Variants in KCNMA1 observed in about 807,000 individuals in gnomAD.
KCNMA1 encodes the protein potassium calcium-activated channel subfamily M alpha 1, also known as Calcium-activated potassium channel subunit alpha-1.
In KCNMA1, 29 loss-of-function variants were observed where a neutral mutation model predicts 140.0. The ratio of observed to expected loss-of-function variants is 0.21; its 90% CI spans 0.15 to 0.28. KCNMA1 has a LOEUF of 0.28. Ranked by LOEUF, KCNMA1 falls within the 10% of genes least tolerant of loss-of-function variation. KCNMA1 has a pLI of 1.00. For synonymous variants in KCNMA1, 612 were observed against 611.9 expected (o/e 1.00, Z 0.00); for missense variants, 880 against 1,602.2 (o/e 0.55, Z 7.70).
chr10:77,101,786 C>T (rs1481545179), intron 9 of KCNMA1, among the ~76,000 whole-genome samples: 2 of 152,040 alleles, frequency 1.3e-5, no homozygotes, highest in African/African-American at 4.8e-5. Flanking sequence ...CCCTTGCAGG[C>T]GAGGAAAAGT....
At chr10:76,976,835 A>T (rs2077716939) in intron 19 of KCNMA1, among the ~76,000 whole-genome samples, 1 of 152,190 alleles carries the variant, frequency 6.6e-6, no homozygotes, top group South Asian at 2.1e-4. Flanking sequence ...TCAAGCAAAG[A>T]TCACTAGGTA....
intron 14 of KCNMA1, among the ~76,000 whole-genome samples, chr10:77,055,700 C>T (rs1165746132): frequency 6.6e-6 from 1 of 152,116 alleles, no homozygotes; most frequent in East Asian, 1.9e-4. Context: ...TCTCTCTGCC[C>T]TTCTACCAGT....
At chr10:77,348,774 A>G (rs953550881) in intron 2 of KCNMA1, among the ~76,000 whole-genome samples, 4 of 152,334 alleles carry the variant, frequency 2.6e-5, no homozygotes, top group Non-Finnish European at 5.9e-5. Flanking sequence ...GAATTTCCCA[A>G]TGACTCCTAG....
chr10:77,134,589 G>A (rs913140751), intron 5 of KCNMA1, among the ~76,000 whole-genome samples: 1 of 152,002 alleles, frequency 6.6e-6, no homozygotes, highest in Admixed American at 6.6e-5. Flanking sequence ...CCATGACAAC[G>A]GTCAGGGCAA....
At chr10:77,224,192 A>T (rs1384392724) in intron 3 of KCNMA1, among the ~76,000 whole-genome samples, 2 of 152,218 alleles carry the variant, frequency 1.3e-5, no homozygotes, top group African/African-American at 4.8e-5. Flanking sequence ...CTCCCAAAAT[A>T]GAGAGTCATT....
intron 20 of KCNMA1, among the ~76,000 whole-genome samples, chr10:76,956,468 C>T (rs969533431): frequency 6.6e-6 from 1 of 152,118 alleles, no homozygotes; most frequent in African/African-American, 2.4e-5. Context: ...AAGAGACTGA[C>T]CTGAGGAACA....
At chr10:77,144,350 C>T (rs537672963) in intron 5 of KCNMA1, among the ~76,000 whole-genome samples, 1 of 152,028 alleles carries the variant, frequency 6.6e-6, no homozygotes, top group African/African-American at 2.4e-5. Flanking sequence ...TCCATTCATA[C>T]AAAAATTGAG....
intron 2 of KCNMA1, among the ~76,000 whole-genome samples, chr10:77,301,701 C>A (rs1260210187): frequency 6.6e-6 from 1 of 151,748 alleles, no homozygotes; most frequent in Admixed American, 6.6e-5. Context: ...TCAATTGACG[C>A]CCCGGAGGTG....
chr10:77,089,490 T>G (rs1203875786), intron 10 of KCNMA1, among the ~76,000 whole-genome samples: 1 of 152,108 alleles, frequency 6.6e-6, no homozygotes, highest in Non-Finnish European at 1.5e-5. Flanking sequence ...CTACCTTTTA[T>G]CTAAAAAGAG....
intron 1 of KCNMA1, among the ~76,000 whole-genome samples, chr10:77,560,784 G>A (rs1227777225): frequency 6.6e-6 from 1 of 152,208 alleles, no homozygotes; most frequent in Admixed American, 6.5e-5. Flanking sequence ...GCCTGGTAGT[G>A]GGTTTGGGCC....
intron 26 of KCNMA1, among the ~76,000 whole-genome samples, chr10:76,890,020 C>T (rs760318043): frequency 6.6e-6 from 1 of 152,134 alleles, no homozygotes. Context: ...TGAAAACCAC[C>T]GCAAGGAGGA....
chr10:77,274,303 G>A (rs1488816166), intron 2 of KCNMA1, among the ~76,000 whole-genome samples: 2 of 152,036 alleles, frequency 1.3e-5, no homozygotes, highest in African/African-American at 2.4e-5. Flanking sequence ...CAGACCTAGG[G>A]TCCTAAACAA....
intron 9 of KCNMA1, among the ~76,000 whole-genome samples, chr10:77,100,104 T>C (rs2097059649): frequency 6.6e-6 from 1 of 152,244 alleles, no homozygotes; most frequent in Non-Finnish European, 1.5e-5. Flanking sequence ...TCTGTTTCAC[T>C]GCCACTGTTT....
chr10:77,080,716 G>A lies in KCNMA1; in HGVS notation c.1524-1166C>T, dbSNP rs555975881. On this transcript the variant is annotated intron_variant, in intron 12 of 27. Coordinates refer to ENST00000286628, the MANE Select transcript of KCNMA1 (RefSeq NM_001161352.2). Reference sequence around the variant, plus strand: ...TATTGCCTACGTAGACATCGAAAGCGAGCCCAAATCATGGGGCCTCCAGAG... The same window carrying A: ...TATTGCCTACGTAGACATCGAAAGCAAGCCCAAATCATGGGGCCTCCAGAG... 3.9e-5 allele frequency among the ~76,000 whole-genome samples: 6 copies of A among 152,210 alleles called. No homozygotes were observed. The South Asian group carries it at 1.0e-3, about 26-fold the overall frequency.
At chr10:77,391,762 A>G (rs1566522636) in intron 2 of KCNMA1, among the ~76,000 whole-genome samples, 1 of 151,952 alleles carries the variant, frequency 6.6e-6, no homozygotes, top group Non-Finnish European at 1.5e-5. Flanking sequence ...TCCTAAACAT[A>G]GCCTCGTAAA....
At chr10:76,881,976 G>T (rs967923807), downstream of KCNMA1, among the ~76,000 whole-genome samples, 1 of 152,136 alleles carries the variant, frequency 6.6e-6, no homozygotes, top group Admixed American at 6.5e-5. Flanking sequence ...AGAGCCATCT[G>T]TTTCTTGCAT....
intron 1 of KCNMA1, among the ~76,000 whole-genome samples, chr10:77,529,102 AAG>A (rs1420117468): frequency 1.3e-5 from 2 of 152,204 alleles, no homozygotes; most frequent in Non-Finnish European, 2.9e-5. Context: ...AATAAAAAAA[AAG>A]AATTCAGAAA....
chr10:77,451,056 G>A (rs1026520032), intron 1 of KCNMA1, among the ~76,000 whole-genome samples: 3 of 152,120 alleles, frequency 2.0e-5, no homozygotes, highest in African/African-American at 4.8e-5. Flanking sequence ...CAGCCATGTG[G>A]AACTGTGAGT....
At chr10:77,536,517 C>A (rs1299390846) in intron 1 of KCNMA1, among the ~76,000 whole-genome samples, 2 of 152,152 alleles carry the variant, frequency 1.3e-5, no homozygotes, top group Non-Finnish European at 2.9e-5. Flanking sequence ...GGGCTTCATA[C>A]CTACGAACTC....
Sources: gnomAD v4.1 joint callset for allele counts (sites outside exome capture counted in the v4.1 genomes callset) on GRCh38, gnomAD v4.1.1 for gene constraint, MANE v1.5 for transcripts, NCBI Gene and HGNC (gene_info 2026-07-23, HGNC 2026-07-21) for gene names.